ABCC5: variants seen among roughly 807,000 people sequenced by gnomAD.
ABCC5 encodes the protein ATP-binding cassette sub-family C member 5.
ABCC5 carries 61 observed loss-of-function variants against 160.9 expected under a neutral mutation model. The ratio of observed to expected loss-of-function variants is 0.38; its 90% CI spans 0.31 to 0.47. ABCC5 has a LOEUF of 0.47. Among genes scored for constraint, ABCC5 ranks in the 20% least tolerant of loss-of-function variants. The probability of loss-of-function intolerance (pLI) is 0.99; values close to 1 mark genes in which losing one functional copy is unlikely to be tolerated. For synonymous variants in ABCC5, 666 were observed against 700.6 expected (o/e 0.95, Z 0.78); for missense variants, 1,308 against 1,813.3 (o/e 0.72, Z 5.06).
intron 10 of ABCC5, among the ~76,000 whole-genome samples, chr3:183,973,221 A>AT (rs1271075122): frequency 6.6e-6 from 1 of 151,164 alleles, no homozygotes; most frequent in Non-Finnish European, 1.5e-5. Flanking sequence ...CGCCTGGCTA[A>AT]TTTTTTGTAT....
intron 16 of ABCC5, among the ~76,000 whole-genome samples, chr3:183,960,685 A>G (rs977177538): frequency 6.6e-6 from 1 of 152,212 alleles, no homozygotes; most frequent in Non-Finnish European, 1.5e-5. Context: ...TACCCCTGAG[A>G]ACTGCCTATA....
At chr3:183,991,199 A>G (rs1057358265) in intron 2 of ABCC5, among the ~76,000 whole-genome samples, 1 of 152,016 alleles carries the variant, frequency 6.6e-6, no homozygotes, top group African/African-American at 2.4e-5. Flanking sequence ...TGGGAGATGG[A>G]GGCAGGAGGA....
At position 183,982,485 on chromosome 3, in the gene ABCC5, C is replaced by G; in HGVS notation, c.965G>C (p.Gly322Ala). 1 of 1,614,058 alleles carries G rather than the reference C, an allele frequency of 6.2e-7. No individual in the cohort carries two copies. Among genetic ancestry groups the G allele is most frequent in the Non-Finnish European group, 8.5e-7 (1 of 1,179,986 alleles). ...GTAAAAGAGGATAAAAACAGCTGAT[C>G]CCAGGAAGCCTGTTGGTCCCAGAAT... is the stretch of plus-strand genomic sequence containing the variant. Reference protein sequence around the residue: ...VIILGPTGFLGSAVFILFYPA... With the variant: ...VIILGPTGFLASAVFILFYPA... The change falls in exon 7 of 30, where the codon GGA becomes GCA. Residue 322 changes from glycine to alanine, a missense_variant. Gly to Ala is a moderately conservative substitution (Grantham distance 60, BLOSUM62 0). This residue lies in a region of ABCC5 where 1,142 missense variants were observed against 1,527.1 expected (regional missense o/e 0.75). Coordinates refer to ENST00000334444, the MANE Select transcript of ABCC5 (RefSeq NM_005688.4). The surrounding 1 kb of genome is among the most constrained non-coding windows in gnomAD (Gnocchi z 5.2).
intron 2 of ABCC5, among the ~76,000 whole-genome samples, chr3:184,005,908 TAAAAA>T (rs11429168): frequency 4.8e-5 from 7 of 147,182 alleles, no homozygotes; most frequent in Middle Eastern, 3.5e-3. Flanking sequence ...TTTAGGTACT[TAAAAA>T]AAAAAAAAAC....
At chr3:183,946,792 T>C (rs1019217599) in intron 23 of ABCC5, among the ~76,000 whole-genome samples, 2 of 152,198 alleles carry the variant, frequency 1.3e-5, no homozygotes, top group Non-Finnish European at 2.9e-5. Flanking sequence ...AGGGTAATAA[T>C]AATCACTCAA....
intron 25 of ABCC5, among the ~76,000 whole-genome samples, chr3:183,938,447 C>T (rs973221184): frequency 1.3e-5 from 2 of 152,098 alleles, no homozygotes; most frequent in African/African-American, 2.4e-5. Flanking sequence ...TACAGGCACG[C>T]GTCACCATGC....
chr3:183,990,047 C>A (rs1719608043), intron 2 of ABCC5, among the ~76,000 whole-genome samples: 1 of 151,990 alleles, frequency 6.6e-6, no homozygotes. Context: ...TCATGATCCA[C>A]CTGCCTTGGC....
At chr3:183,969,303 C>T (rs1244245936) in intron 11 of ABCC5, among the ~76,000 whole-genome samples, 2 of 152,168 alleles carry the variant, frequency 1.3e-5, no homozygotes, top group Admixed American at 1.3e-4. Context: ...TTTAGCTGCA[C>T]GTGTGGAATC....
chr3:184,002,256 G>A (rs921113361), intron 2 of ABCC5, among the ~76,000 whole-genome samples: 13 of 151,936 alleles, frequency 8.6e-5, no homozygotes, highest in East Asian at 1.9e-4. Context: ...AAAATAAGCC[G>A]GGTATGGTGA....
chr3:183,982,613 A>T lies in ABCC5; in HGVS notation c.837T>A (p.Ile279=), dbSNP rs1327767984. 1.2e-6 allele frequency: 2 copies of T among 1,614,030 alleles called. No homozygotes were observed. Among genetic ancestry groups the T allele is most frequent in the African/African-American group, 2.7e-5 (2 of 74,900 alleles). Residue 279 remains isoleucine (I), a synonymous_variant, in exon 7 of 30, where the codon ATT becomes ATA. Coordinates refer to ENST00000334444, the MANE Select transcript of ABCC5 (RefSeq NM_005688.4). This position sits in a 1 kb window ranked among gnomAD's most constrained non-coding sequence, Gnocchi z 5.2. ...ACATTCTCTGCCCATCGTTGGAGCA[A>T]ATGTTGATGAGCTATAAGATACAAA... The part of the protein sequence containing the change: ...KEKSLGELIN[I]CSNDGQRMFE...
intron 2 of ABCC5, 45 bp from the exon 3 acceptor site, chr3:183,989,428 C>T (rs781006287): frequency 6.2e-7 from 1 of 1,602,654 alleles, no homozygotes; most frequent in East Asian, 2.2e-5. Context: ...AGTTAATACA[C>T]AGGCGAGAGG....
chr3:183,938,262 C>T (rs1276474981), intron 25 of ABCC5, among the ~76,000 whole-genome samples: 2 of 152,162 alleles, frequency 1.3e-5, no homozygotes, highest in Admixed American at 6.6e-5. Flanking sequence ...TCAAATTACA[C>T]AGCTTCAGCC....
chr3:183,982,744 T>C lies in ABCC5; in HGVS notation c.825+30A>G. ...TGAACCTCAAGCTAGGAAGTTGCTC[T>C]CTGCTGTGAAGCAAACACCCCTCAC... On this transcript the variant is annotated intron_variant, in intron 6 of 29. Coordinates refer to ENST00000334444, the MANE Select transcript of ABCC5 (RefSeq NM_005688.4). The surrounding 1 kb of genome is among the most constrained non-coding windows in gnomAD (Gnocchi z 5.2). 6.2e-7 allele frequency: 1 copy of C among 1,612,058 alleles called. No homozygotes were observed. The highest frequency in any genetic ancestry group is 8.5e-7 in the Non-Finnish European group (1 of 1,178,204).
In ABCC5 at chr3:183,952,006, G is replaced by A; in HGVS notation, c.2668-3C>T. 5.0e-6 allele frequency: 8 copies of A among 1,604,800 alleles called. No homozygotes were observed. The highest frequency in any genetic ancestry group is 5.1e-6 in the Non-Finnish European group (6 of 1,172,818). On this transcript the variant is annotated splice_region_variant and splice_polypyrimidine_tract_variant and intron_variant, in intron 18 of 29. Transcript: ENST00000334444. ...TTCCCTCGAGTCACAGTGGTGTTCT[G>A]TTTGAAGCCAAAGTTCTATGAGGCC...
rs574986745 is a variant in ABCC5 at position 183,930,905 on chromosome 3, C to G, written c.3855-2080G>C. Among the ~76,000 whole-genome samples, 44 of 152,352 alleles carry G rather than the reference C, an allele frequency of 2.9e-4. No individual in the cohort carries two copies. The South Asian group carries it at 9.1e-3, about 32-fold the overall frequency. ...CAGCAAGTAAGTCCATCAGATGCCT[C>G]TGGATCAAAGAGCAGGCATGGAGCC... On this transcript the variant is annotated intron_variant, in intron 26 of 29. Coordinates refer to ENST00000334444, the MANE Select transcript of ABCC5 (RefSeq NM_005688.4).
rs368799148 is a variant in ABCC5, at chr3:183,945,859, G to C, written c.3495C>G (p.His1165Gln). 1.9e-6 allele frequency: 3 copies of C among 1,613,892 alleles called. No homozygotes were observed. Among genetic ancestry groups the C allele is most frequent in the Non-Finnish European group, 2.5e-6 (3 of 1,179,898 alleles). The change falls in exon 24 of 30, where the codon CAC (histidine) becomes CAG (glutamine). Residue 1165 changes from histidine (H) to glutamine (Q), a missense_variant. Around this residue, in one of 3 missense-constraint regions of ABCC5, gnomAD observed 1,142 missense variants for 1,527.1 expected, o/e 0.75. Transcript: ENST00000334444. ...ARFTSVERIN[H>Q]YIKTLSLEAP... ...CCTACAGCAGTCTGACCTTAATGTA[G>C]TGATTGATCCTCTCCACCGAGGTGA...
At chr3:183,999,090 AAAAAAAAAAAAG>A (rs1252117576) in intron 2 of ABCC5, among the ~76,000 whole-genome samples, 8 of 99,642 alleles carry the variant, frequency 8.0e-5, no homozygotes, top group East Asian at 9.6e-4. Context: ...ACTCTGTCTC[AAAAAAAAAAAAG>A]AAAAAAAAAA....
At chr3:183,997,401 A>G (rs1012942295) in intron 2 of ABCC5, among the ~76,000 whole-genome samples, 1 of 152,248 alleles carries the variant, frequency 6.6e-6, no homozygotes, top group Non-Finnish European at 1.5e-5. Context: ...CATTCAATAC[A>G]TGTTAGCTAT....
intron 11 of ABCC5, among the ~76,000 whole-genome samples, chr3:183,970,984 A>G (rs1411242768): frequency 6.6e-6 from 1 of 152,214 alleles, no homozygotes; most frequent in Admixed American, 6.5e-5. Context: ...ACCTGTGAAT[A>G]TGGTGCTGGT....
Sources: gnomAD v4.1 joint callset for allele counts (sites outside exome capture counted in the v4.1 genomes callset) on GRCh38, gnomAD v4.1.1 for gene constraint, gnomAD v4.1.1 regional missense constraint, Gnocchi (gnomAD v3.1) non-coding constraint, MANE v1.5 for transcripts, NCBI Gene and HGNC (gene_info 2026-07-23, HGNC 2026-07-21) for gene names.